TECPR2: variants seen among roughly 807,000 people sequenced by gnomAD.
TECPR2 encodes tectonin beta-propeller repeat containing 2, also known as tectonin beta-propeller repeat-containing protein 2.
TECPR2 carries 65 observed loss-of-function variants against 138.1 expected under a neutral mutation model. The observed-to-expected ratio is 0.47, with a 90% CI of 0.39 to 0.58. The LOEUF is 0.58. TECPR2 is among the 20% of genes least tolerant of loss of function. The pLI is 0.00. For synonymous variants in TECPR2, 746 were observed against 749.8 expected, an observed-to-expected ratio of 0.99 and a Z score of 0.08; for missense variants, 1,553 against 1,824.5, an observed-to-expected ratio of 0.85 and a Z score of 2.71.
chr14:102,462,133 C>CTT (rs1194918258), intron 16 of TECPR2, among the ~76,000 whole-genome samples: 1 of 152,338 alleles, frequency 6.6e-6, no homozygotes, highest in Admixed American at 6.5e-5. Flanking sequence ...GCTGCCAACT[C>CTT]TGAGATGCTG....
At chr14:102,463,519 G>A (rs150296067) in intron 16 of TECPR2, among the ~76,000 whole-genome samples, 4,519 of 148,272 alleles carry the variant, frequency 0.03, 92 homozygotes, top group Middle Eastern at 0.11. Flanking sequence ...GCAACAGAAC[G>A]AGATTCTGTC....
At chr14:102,396,851 C>T (rs551834100) in intron 2 of TECPR2, among the ~76,000 whole-genome samples, 1 of 152,328 alleles carries the variant, frequency 6.6e-6, no homozygotes, top group Non-Finnish European at 1.5e-5. Flanking sequence ...GGGGTCTGTG[C>T]TCTGACTGCT....
intron 16 of TECPR2, among the ~76,000 whole-genome samples, chr14:102,461,205 T>C (rs1890402371): frequency 6.6e-6 from 1 of 152,214 alleles, no homozygotes; most frequent in South Asian, 2.1e-4. Flanking sequence ...AGCAGATATT[T>C]AAGATGCTTG....
At chr14:102,414,589 C>A in intron 4 of TECPR2, 47 bp from the exon 5 acceptor site, 3 of 1,606,164 alleles carry the variant, frequency 1.9e-6, no homozygotes, top group Non-Finnish European at 2.5e-6. Flanking sequence ...GAGGTCCATT[C>A]TTTAGCCTGG....
At chr14:102,386,799 A>G (rs1390077934) in intron 2 of TECPR2, among the ~76,000 whole-genome samples, 1 of 151,968 alleles carries the variant, frequency 6.6e-6, no homozygotes, top group Admixed American at 6.6e-5. Context: ...CCAGAGATGA[A>G]TTAAATATTT....
chr14:102,421,805 C>G (rs1469694185), intron 5 of TECPR2, among the ~76,000 whole-genome samples: 1 of 152,136 alleles, frequency 6.6e-6, no homozygotes, highest in South Asian at 2.1e-4. Flanking sequence ...GAATGGGAAA[C>G]GGGTCCAGAA....
At chr14:102,414,829 C>T (rs757845357) in intron 5 of TECPR2, 36 bp downstream of exon 5, 1 of 1,610,372 alleles carries the variant, frequency 6.2e-7, no homozygotes, top group South Asian at 1.1e-5. Flanking sequence ...GGCCTAAATG[C>T]TGGGCCTTGT....
Position 102,434,579 on chromosome 14 carries a change from G to A in TECPR2, c.1762G>A (p.Asp588Asn), listed in dbSNP as rs1889603351. The change falls in exon 9 of 20, where the codon GAT becomes AAT. Residue 588 changes from aspartate (D) to asparagine (N), a missense_variant. Coordinates refer to ENST00000359520, the MANE Select transcript of TECPR2 (RefSeq NM_014844.5). ...GRELLNGAREDVGGSDVTGLG... is the reference protein window; with the variant it reads ...GRELLNGARENVGGSDVTGLG... ...GGAGCTGCTCAATGGAGCGAGGGAA[G>A]ATGTGGGAGGCAGTGATGTCACGGG... 2 of 1,560,316 alleles carry A rather than the reference G, an allele frequency of 1.3e-6. No homozygotes were observed. The highest frequency in any genetic ancestry group is 2.3e-5 in the East Asian group (1 of 44,288).
At chr14:102,365,702 C>T (rs923610830) in intron 1 of TECPR2, among the ~76,000 whole-genome samples, 13 of 152,060 alleles carry the variant, frequency 8.5e-5, no homozygotes, top group African/African-American at 3.1e-4. Flanking sequence ...TCAGTGGTTG[C>T]CCAGGGCTGA....
At chr14:102,378,319 A>T (rs1213662550) in intron 2 of TECPR2, among the ~76,000 whole-genome samples, 3 of 152,232 alleles carry the variant, frequency 2.0e-5, no homozygotes, top group Non-Finnish European at 2.9e-5. Flanking sequence ...TGCTCATTTT[A>T]AAATAATCAA....
intron 7 of TECPR2, 67 bp downstream of exon 7, chr14:102,428,449 G>C: frequency 6.3e-7 from 1 of 1,588,574 alleles, no homozygotes; most frequent in Non-Finnish European, 8.5e-7. Flanking sequence ...GTTTGTAATT[G>C]CAGTTAATAA....
At chr14:102,427,862 G>C (rs758085555) in intron 6 of TECPR2, among the ~76,000 whole-genome samples, 1 of 152,176 alleles carries the variant, frequency 6.6e-6, no homozygotes, top group Non-Finnish European at 1.5e-5. Context: ...CAGAGGTGGC[G>C]TCTGGAGAGA....
chr14:102,479,633 T>C (rs911372447), intron 17 of TECPR2, among the ~76,000 whole-genome samples: 1 of 151,996 alleles, frequency 6.6e-6, no homozygotes, highest in African/African-American at 2.4e-5. Flanking sequence ...TGGGATGGAG[T>C]GGACATGGGG....
At chr14:102,370,253 T>C (rs926499244) in intron 1 of TECPR2, among the ~76,000 whole-genome samples, 1 of 152,042 alleles carries the variant, frequency 6.6e-6, no homozygotes, top group Admixed American at 6.6e-5. Flanking sequence ...TGTGTTTTAA[T>C]AGAGATGAGG....
chr14:102,471,053 A>G (rs9743854), intron 17 of TECPR2, among the ~76,000 whole-genome samples: 108,003 of 151,900 alleles, frequency 0.71, 39,123 homozygotes, highest in African/African-American at 0.85. Flanking sequence ...TCCTGACCTC[A>G]TGATCCACCT....
intron 1 of TECPR2, among the ~76,000 whole-genome samples, chr14:102,363,639 G>T (rs1887257183): frequency 6.6e-6 from 1 of 152,270 alleles, no homozygotes; most frequent in African/African-American, 2.4e-5. Context: ...ATGGGAGGCA[G>T]AATAGGTAGT....
chr14:102,492,666 A>G (rs994323278), intron 17 of TECPR2, among the ~76,000 whole-genome samples: 5 of 152,148 alleles, frequency 3.3e-5, no homozygotes, highest in African/African-American at 1.2e-4. Flanking sequence ...GGGAGCTCCC[A>G]GGCAGCACAG....
chr14:102,374,587 C>A (rs1021736026), intron 1 of TECPR2, among the ~76,000 whole-genome samples: 1 of 152,054 alleles, frequency 6.6e-6, no homozygotes. Flanking sequence ...CATAGTGAAA[C>A]CCTCTCTATT....
rs2139730789 is a variant in TECPR2, at chr14:102,434,512, C to T, written c.1695C>T (p.Asp565=). 1 of 1,561,490 alleles carries T rather than the reference C, an allele frequency of 6.4e-7. No homozygotes were observed. Among genetic ancestry groups the T allele is most frequent in the Non-Finnish European group, 8.7e-7 (1 of 1,153,526 alleles). ...SMPDSLAEED[D]IRTEMPHCHH... ...CTGATTCTCTGGCTGAGGAAGATGACATTAGAACTGAAATGCCACACTGTC... is the reference window on the plus strand; with the variant it reads ...CTGATTCTCTGGCTGAGGAAGATGATATTAGAACTGAAATGCCACACTGTC... Residue 565 remains aspartate (D), a synonymous_variant, in exon 9 of 20, where the codon GAC becomes GAT. Coordinates refer to ENST00000359520, the MANE Select transcript of TECPR2 (RefSeq NM_014844.5).
Sources: allele counts gnomAD v4.1 joint callset (sites outside exome capture counted in the v4.1 genomes callset), GRCh38; gene constraint gnomAD v4.1.1; transcripts MANE v1.5; gene names NCBI Gene and HGNC (gene_info 2026-07-23, HGNC 2026-07-21).